TBC1D5: variants seen among roughly 807,000 people sequenced by gnomAD.
TBC1D5 encodes TBC1 domain family, member 5.
In TBC1D5, 75 loss-of-function variants were observed where a neutral mutation model predicts 100.3. The ratio of observed to expected loss-of-function variants is 0.75; its 90% CI spans 0.62 to 0.91. The LOEUF (loss-of-function observed/expected upper bound fraction) is 0.91, where lower values mean the gene tolerates loss of function less well. Ranked by LOEUF, TBC1D5 falls within the 40% of genes least tolerant of loss-of-function variation. TBC1D5 has a pLI of 0.00. For missense variants in TBC1D5, 910 were observed against 942.4 expected (o/e 0.97, Z 0.45); for synonymous variants, 323 against 325.6 (o/e 0.99, Z 0.09).
exon 20 of TBC1D5, chr3:17,167,777 A>T: frequency 1.9e-6 from 3 of 1,612,952 alleles, no homozygotes; most frequent in Non-Finnish European, 2.5e-6. Context: ...GGAAACCAGA[A>T]TTTGATCTTC....
At chr3:17,593,570 C>T (rs558775612) in intron 2 of TBC1D5, among the ~76,000 whole-genome samples, 5 of 152,336 alleles carry the variant, frequency 3.3e-5, no homozygotes, top group South Asian at 2.1e-4. Flanking sequence ...ACTTACTCCG[C>T]TTATGGGTTT....
chr3:17,705,907 T>C (rs975559226), intron 1 of TBC1D5, among the ~76,000 whole-genome samples: 1 of 151,538 alleles, frequency 6.6e-6, no homozygotes, highest in Non-Finnish European at 1.5e-5. Flanking sequence ...GTCTGCTCCT[T>C]GCCCTCGGGC....
chr3:17,301,833 T>C (rs2082875872), intron 14 of TBC1D5, among the ~76,000 whole-genome samples: 1 of 152,180 alleles, frequency 6.6e-6, no homozygotes, highest in African/African-American at 2.4e-5. Flanking sequence ...AAGAGTGACT[T>C]ACAATATGAA....
chr3:17,411,092 C>A (rs929668564), intron 4 of TBC1D5, among the ~76,000 whole-genome samples: 2 of 152,006 alleles, frequency 1.3e-5, no homozygotes, highest in African/African-American at 4.8e-5. Context: ...GCCACAGTTA[C>A]CCCCAACCTT....
chr3:17,693,361 A>C (rs1461107993), intron 1 of TBC1D5, among the ~76,000 whole-genome samples: 1 of 152,106 alleles, frequency 6.6e-6, no homozygotes, highest in Non-Finnish European at 1.5e-5. Context: ...TACCTGGAAA[A>C]ACGTAACACT....
At chr3:17,711,422 C>T (rs948207845) in intron 1 of TBC1D5, among the ~76,000 whole-genome samples, 3 of 152,126 alleles carry the variant, frequency 2.0e-5, no homozygotes, top group African/African-American at 7.2e-5. Flanking sequence ...CTACCAATAT[C>T]TTCAAGCTCC....
At chr3:17,407,351 AC>A (rs2093798623) in intron 4 of TBC1D5, among the ~76,000 whole-genome samples, 1 of 152,172 alleles carries the variant, frequency 6.6e-6, no homozygotes, top group African/African-American at 2.4e-5. Context: ...ACCAAACTAA[AC>A]ATTAAGAATC....
intron 1 of TBC1D5, among the ~76,000 whole-genome samples, chr3:17,630,762 A>C (rs1182172214): frequency 6.6e-6 from 1 of 152,022 alleles, no homozygotes; most frequent in African/African-American, 2.4e-5. Context: ...CAGGCTGGGC[A>C]CGGTGGCTCA....
Position 17,728,996 on chromosome 3 carries a change from C to T in TBC1D5, c.-101+10347G>A, listed in dbSNP as rs571818850. On this transcript the variant is annotated intron_variant, in intron 1 of 21. Transcript: ENST00000253692. ...GGCATAGAGTTAAAGATACAATACT[C>T]AAGTGCACCTGAAAATCAGTAAAAA... 5.3e-4 allele frequency among the ~76,000 whole-genome samples: 38 copies of T among 72,330 alleles called. 1 individual carries two copies. In the South Asian group the frequency reaches 0.017, roughly 32 times the overall value. The allele number at this position is 72,330 out of a possible 152,430, so 47.5% of individuals were successfully genotyped here. A position where few individuals can be genotyped will look rare whatever the true frequency, so the allele number is the denominator to read the frequency against.
chr3:17,529,646 A>G (rs1221604276), intron 2 of TBC1D5, among the ~76,000 whole-genome samples: 1 of 150,200 alleles, frequency 6.7e-6, no homozygotes, highest in Non-Finnish European at 1.5e-5. Context: ...TATTATTATT[A>G]TTATTTTTAT....
At chr3:17,387,808 G>C (rs1349565769) in intron 8 of TBC1D5, among the ~76,000 whole-genome samples, 1 of 150,538 alleles carries the variant, frequency 6.6e-6, no homozygotes, top group African/African-American at 2.4e-5. Context: ...AATCATTCAG[G>C]TTTTGAAAAA....
intron 3 of TBC1D5, among the ~76,000 whole-genome samples, chr3:17,445,706 T>G (rs567830105): frequency 6.6e-6 from 1 of 152,218 alleles, no homozygotes; most frequent in Admixed American, 6.5e-5. Context: ...AGTAGCATGG[T>G]TGTTAATCTC....
chr3:17,419,849 TA>T (rs2094166221), intron 4 of TBC1D5, among the ~76,000 whole-genome samples: 1 of 152,146 alleles, frequency 6.6e-6, no homozygotes, highest in African/African-American at 2.4e-5. Context: ...CTAATTTTTT[TA>T]AAAATATTTA....
At chr3:17,318,525 T>C (rs1194615703) in intron 13 of TBC1D5, among the ~76,000 whole-genome samples, 3 of 152,168 alleles carry the variant, frequency 2.0e-5, no homozygotes, top group Non-Finnish European at 4.4e-5. Context: ...AGGTGATTTC[T>C]TTGCTCAGCC....
chr3:17,225,014 C>A (rs1008102459), intron 17 of TBC1D5, among the ~76,000 whole-genome samples: 1 of 152,132 alleles, frequency 6.6e-6, no homozygotes, highest in African/African-American at 2.4e-5. Context: ...TCTGGGAACA[C>A]AAACATTCAG....
intron 3 of TBC1D5, among the ~76,000 whole-genome samples, chr3:17,430,565 C>A (rs2094431726): frequency 6.6e-6 from 1 of 151,518 alleles, no homozygotes. Context: ...ATAAGGAGTA[C>A]AATTGTTTCA....
intron 16 of TBC1D5, among the ~76,000 whole-genome samples, chr3:17,253,605 A>G (rs2077359630): frequency 6.6e-6 from 1 of 152,318 alleles, no homozygotes; most frequent in African/African-American, 2.4e-5. Context: ...GAACATTTCT[A>G]TTACTCCCAA....
At chr3:17,490,293 T>G (rs973577694) in intron 3 of TBC1D5, among the ~76,000 whole-genome samples, 2 of 152,006 alleles carry the variant, frequency 1.3e-5, no homozygotes, top group African/African-American at 4.8e-5. Flanking sequence ...TACTGTAGGC[T>G]GCGCTGATGA....
intron 2 of TBC1D5, among the ~76,000 whole-genome samples, chr3:17,514,377 C>T (rs2095955324): frequency 1.3e-5 from 2 of 152,090 alleles, no homozygotes; most frequent in Non-Finnish European, 2.9e-5. Context: ...CTTGGTAAAA[C>T]CCTGAAACTT....
Sources: allele counts gnomAD v4.1 joint callset (sites outside exome capture counted in the v4.1 genomes callset), GRCh38; gene constraint gnomAD v4.1.1; transcripts MANE v1.5; gene names NCBI Gene and HGNC (gene_info 2026-07-23, HGNC 2026-07-21).